ADAMTSL1: variants seen among roughly 807,000 people sequenced by gnomAD.
ADAMTSL1 encodes the protein ADAMTS-like protein 1.
ADAMTSL1 carries 126 observed loss-of-function variants against 201.8 expected under a neutral mutation model. The observed-to-expected ratio is 0.62, with a 90% CI of 0.54 to 0.72. ADAMTSL1 has a LOEUF of 0.72. Among genes scored for constraint, ADAMTSL1 ranks in the 30% least tolerant of loss-of-function variants. The pLI, the probability that ADAMTSL1 is intolerant of heterozygous loss-of-function variation, is 0.00. For synonymous variants in ADAMTSL1, 1,121 were observed against 903.4 expected (o/e 1.24, Z -4.32); for missense variants, 2,679 against 2,277.8 (o/e 1.18, Z -3.59).
chr9:18,813,759 A>C (rs146906484), intron 20 of ADAMTSL1, among the ~76,000 whole-genome samples: 64 of 152,360 alleles, frequency 4.2e-4, no homozygotes, highest in Non-Finnish European at 6.6e-4. Context: ...ATCTGCAAAC[A>C]AGGACAGTAT....
intron 2 of ADAMTSL1, among the ~76,000 whole-genome samples, chr9:18,273,312 C>A (rs1010275400): frequency 5.6e-5 from 8 of 143,226 alleles, no homozygotes; most frequent in Non-Finnish European, 7.8e-5. Context: ...AACTCCCAAC[C>A]TCAAGTGATC....
intron 25 of ADAMTSL1, chr9:18,890,773 A>T: frequency 2.9e-6 from 1 of 349,562 alleles, no homozygotes; most frequent in Non-Finnish European, 5.7e-6. Context: ...TTTGGAAATA[A>T]AAGTTGATGG....
chr9:18,523,959 T>C (rs1381859848), intron 2 of ADAMTSL1, among the ~76,000 whole-genome samples: 1 of 141,170 alleles, frequency 7.1e-6, no homozygotes, highest in Non-Finnish European at 1.5e-5. Flanking sequence ...TTTAAAGTAG[T>C]TTTTTCCAAT....
At chr9:18,776,384 G>C (rs930177304) in intron 18 of ADAMTSL1, among the ~76,000 whole-genome samples, 3 of 152,148 alleles carry the variant, frequency 2.0e-5, no homozygotes, top group African/African-American at 4.8e-5. Context: ...TTTTTATGAC[G>C]TTGATTTCTT....
chr9:18,222,872 A>G (rs1830317652), intron 2 of ADAMTSL1, among the ~76,000 whole-genome samples: 1 of 151,908 alleles, frequency 6.6e-6, no homozygotes, highest in African/African-American at 2.4e-5. Flanking sequence ...TTTACTTTCC[A>G]GACATTACTG....
intron 19 of ADAMTSL1, among the ~76,000 whole-genome samples, chr9:18,784,555 A>T (rs1386924409): frequency 3.9e-5 from 6 of 152,158 alleles, no homozygotes; most frequent in African/African-American, 1.4e-4. Flanking sequence ...TGACTTGCCC[A>T]TATGTTCTCC....
At chr9:18,533,972 A>C (rs1476360995) in intron 3 of ADAMTSL1, among the ~76,000 whole-genome samples, 1 of 152,224 alleles carries the variant, frequency 6.6e-6, no homozygotes, top group Admixed American at 6.5e-5. Flanking sequence ...TCCAATGGAG[A>C]GGACATAATG....
intron 2 of ADAMTSL1, among the ~76,000 whole-genome samples, chr9:18,347,249 C>T (rs1241384825): frequency 6.6e-6 from 1 of 151,418 alleles, no homozygotes; most frequent in East Asian, 1.9e-4. Context: ...AAAAATATTC[C>T]TGGGGCTGAA....
At chr9:18,704,267 C>T (rs550178314) in intron 13 of ADAMTSL1, among the ~76,000 whole-genome samples, 56 of 152,196 alleles carry the variant, frequency 3.7e-4, no homozygotes, top group African/African-American at 1.2e-3. Flanking sequence ...TCACGCAGTC[C>T]GCAAAATCTA....
chr9:18,694,813 A>T (rs1243125629), intron 13 of ADAMTSL1, among the ~76,000 whole-genome samples: 1 of 152,166 alleles, frequency 6.6e-6, no homozygotes, highest in Non-Finnish European at 1.5e-5. Context: ...TGGGGCCTCC[A>T]ATCCCACATT....
chr9:18,095,249 C>A (rs1317050834), intron 1 of ADAMTSL1, among the ~76,000 whole-genome samples: 1 of 152,014 alleles, frequency 6.6e-6, no homozygotes, highest in Non-Finnish European at 1.5e-5. Flanking sequence ...GCCAATAGAT[C>A]ACACACAAGT....
At chr9:18,891,726 C>T (rs1716017913) in intron 25 of ADAMTSL1, among the ~76,000 whole-genome samples, 1 of 152,220 alleles carries the variant, frequency 6.6e-6, no homozygotes, top group African/African-American at 2.4e-5. Context: ...AGGAAGTATA[C>T]CGAGCACTAC....
chr9:18,856,035 C>G (rs1055405673), intron 23 of ADAMTSL1, among the ~76,000 whole-genome samples: 3 of 152,166 alleles, frequency 2.0e-5, no homozygotes, highest in African/African-American at 7.2e-5. Flanking sequence ...CATTAATGAA[C>G]TTTCCTGGCA....
chr9:17,943,444 A>G (rs4517213), intron 1 of ADAMTSL1, among the ~76,000 whole-genome samples: 32,826 of 152,034 alleles, frequency 0.22, 3,734 homozygotes, highest in Middle Eastern at 0.27. Flanking sequence ...CAAGGCAGAG[A>G]TAATTTTTCT....
chr9:18,407,490 T>C (rs149113588), intron 2 of ADAMTSL1, among the ~76,000 whole-genome samples: 59 of 152,222 alleles, frequency 3.9e-4, no homozygotes, highest in Admixed American at 6.5e-4. Context: ...GGGATAAACA[T>C]TGAGTAAACC....
intron 7 of ADAMTSL1, among the ~76,000 whole-genome samples, chr9:18,649,684 C>T (rs75890347): frequency 2.3e-4 from 35 of 152,262 alleles, no homozygotes; most frequent in Admixed American, 1.2e-3. Context: ...GTATCAGCAG[C>T]GGTGTCTACA....
chr9:18,671,894 G>A lies in ADAMTSL1; in HGVS notation c.1086-3963G>A, dbSNP rs559144369. Among the ~76,000 whole-genome samples, 13 of 152,072 alleles carry A rather than the reference G, an allele frequency of 8.5e-5. No individual in the cohort carries two copies. The South Asian group carries it at 2.3e-3, about 27-fold the overall frequency. On this transcript the variant is annotated intron_variant, in intron 9 of 28. Transcript: ENST00000380548. ...CTACTAAAAATACAAAAAATTATCC[G>A]GGCGTGGCGGCGGGCGCCTGTAGTC...
chr9:18,182,223 T>G (rs570828455), intron 2 of ADAMTSL1, among the ~76,000 whole-genome samples: 9 of 151,370 alleles, frequency 5.9e-5, no homozygotes, highest in South Asian at 4.2e-4. Flanking sequence ...CACCAGCATG[T>G]CACATGTATA....
intron 23 of ADAMTSL1, among the ~76,000 whole-genome samples, chr9:18,851,338 T>G (rs1826480460): frequency 6.6e-6 from 1 of 152,084 alleles, no homozygotes; most frequent in African/African-American, 2.4e-5. Flanking sequence ...CTCTATGAAT[T>G]TATGATCGAG....
Sources: gnomAD v4.1 joint callset for allele counts (sites outside exome capture counted in the v4.1 genomes callset) on GRCh38, gnomAD v4.1.1 for gene constraint, MANE v1.5 for transcripts, NCBI Gene and HGNC (gene_info 2026-07-23, HGNC 2026-07-21) for gene names.